The following CEP170 variants were observed in gnomAD, a reference collection of about 807,000 sequenced individuals.
CEP170 encodes centrosomal protein 170, also known as centrosomal protein of 170 kDa.
Under a neutral mutation model 151.9 loss-of-function variants are expected in CEP170, and 21 were observed. That is an observed-to-expected ratio of 0.14 (90% confidence interval 0.10 to 0.20). CEP170 has a LOEUF of 0.20. Among genes scored for constraint, CEP170 ranks in the 10% least tolerant of loss-of-function variants. The pLI is 1.00. For synonymous variants in CEP170, 356 were observed against 648.8 expected, an observed-to-expected ratio of 0.55 and a Z score of 6.86; for missense variants, 964 against 1,892.9, an observed-to-expected ratio of 0.51 and a Z score of 9.11.
intron 7 of CEP170, among the ~76,000 whole-genome samples, chr1:243,198,588 CTTGAGTCCA>C (rs1336762731): frequency 2.6e-5 from 4 of 152,068 alleles, no homozygotes; most frequent in African/African-American, 9.7e-5. Context: ...GGGAAGATGG[CTTGAGTCCA>C]GGAGTTCAAG....
At chr1:243,226,058 G>GATATAAATATATCTAGAT (rs1558645401) in intron 1 of CEP170, among the ~76,000 whole-genome samples, 69 of 109,890 alleles carry the variant, frequency 6.3e-4, no homozygotes, top group African/African-American at 1.9e-3. Context: ...TATATATCTA[G>GATATAAATATATCTAGAT]ATATATATAT....
In CEP170 at chr1:243,140,102, A is replaced by G. The variant is rs1354329827; in HGVS notation, c.4065T>C (p.Val1355=). 5 of 1,613,802 alleles carry G rather than the reference A, an allele frequency of 3.1e-6. No homozygotes were observed. The Admixed American group carries it at 8.3e-5, about 27-fold the overall frequency. The change falls in exon 16 of 20, where the codon GTT becomes GTC. Residue 1355 remains valine (V), a synonymous_variant. Coordinates refer to ENST00000366542, the MANE Select transcript of CEP170 (RefSeq NM_014812.3). Reference sequence around the variant, plus strand: ...TGAGGCTTTCATCAAAAACACGATCAACCAACTAATGGGACGAAAGCAAAC... The same window carrying G: ...TGAGGCTTTCATCAAAAACACGATCGACCAACTAATGGGACGAAAGCAAAC... The part of the protein sequence containing the change: ...GSAIDTREEL[V]DRVFDESLNF...
At chr1:243,213,664 T>C (rs1295966121) in intron 3 of CEP170, among the ~76,000 whole-genome samples, 2 of 152,094 alleles carry the variant, frequency 1.3e-5, no homozygotes, top group African/African-American at 4.8e-5. Flanking sequence ...AAGAATCACG[T>C]AGTATTTTTC....
chr1:243,234,104 AAAGAT>A (rs1226585808), intron 1 of CEP170, among the ~76,000 whole-genome samples: 1 of 152,168 alleles, frequency 6.6e-6, no homozygotes, highest in Non-Finnish European at 1.5e-5. Context: ...ATGGCTTTAT[AAAGAT>A]TAAACCTCCT....
chr1:243,176,062 C>A (rs2059228874), intron 10 of CEP170, among the ~76,000 whole-genome samples: 1 of 152,192 alleles, frequency 6.6e-6, no homozygotes, highest in Admixed American at 6.5e-5. Context: ...TCCCAAAGTG[C>A]TGGGATTACA....
chr1:243,174,815 T>C (rs2148639627), intron 10 of CEP170, among the ~76,000 whole-genome samples: 1 of 152,324 alleles, frequency 6.6e-6, no homozygotes, highest in Admixed American at 6.5e-5. Context: ...AACCAGAGTA[T>C]AACCTGTGTC....
intron 1 of CEP170, among the ~76,000 whole-genome samples, chr1:243,242,957 G>T (rs1248273123): frequency 2.0e-5 from 3 of 152,188 alleles, no homozygotes; most frequent in African/African-American, 7.2e-5. Context: ...GCCTCGGCCT[G>T]CCAAAGTGCT....
chr1:243,220,355 T>C (rs1396998756), intron 3 of CEP170, among the ~76,000 whole-genome samples: 1 of 151,824 alleles, frequency 6.6e-6, no homozygotes, highest in Non-Finnish European at 1.5e-5. Flanking sequence ...ATGCTAAATG[T>C]GAGAGTTTTC....
intron 4 of CEP170, among the ~76,000 whole-genome samples, chr1:243,207,273 A>G (rs2061486568): frequency 6.6e-6 from 1 of 152,238 alleles, no homozygotes; most frequent in Non-Finnish European, 1.5e-5. Flanking sequence ...ATTTCAGAGC[A>G]AAGAATCTTA....
intron 18 of CEP170, chr1:243,128,543 G>T: frequency 2.3e-6 from 1 of 426,284 alleles, no homozygotes; most frequent in Non-Finnish European, 4.0e-6. Flanking sequence ...CAGATGAAAA[G>T]TTTAACATTT....
chr1:243,176,005 C>T (rs959673058), intron 10 of CEP170, among the ~76,000 whole-genome samples: 3 of 152,154 alleles, frequency 2.0e-5, no homozygotes, highest in African/African-American at 7.2e-5. Flanking sequence ...ACCGTGTTAG[C>T]CAGGATGGTC....
Position 243,150,680 on chromosome 1 carries a change from C to T in CEP170, c.3911+5541G>A, listed in dbSNP as rs894098541. Among the ~76,000 whole-genome samples, 27 of 151,770 alleles carry T rather than the reference C, an allele frequency of 1.8e-4. No homozygotes were observed. The South Asian group carries it at 2.3e-3, about 13-fold the overall frequency. ...ATATCTGGATTCTCATAAATTTAAA[C>T]GTGTGAGATCTACACAAAATTAAAA... On this transcript the variant is annotated intron_variant, in intron 14 of 19. Coordinates refer to ENST00000366542, the MANE Select transcript of CEP170 (RefSeq NM_014812.3).
chr1:243,223,296 G>GA lies in CEP170; in HGVS notation c.106-1484dup, dbSNP rs544509709. Reference sequence around the variant, plus strand: ...TTTGGACAATGGACTGAAATTCAAAGAAAAAAATCTAAATTAGAGTTGAGA... The same window carrying GA: ...TTTGGACAATGGACTGAAATTCAAAGAAAAAAAATCTAAATTAGAGTTGAGA... On this transcript the variant is annotated intron_variant, in intron 2 of 19. Transcript: ENST00000366542. 2.9e-3 allele frequency among the ~76,000 whole-genome samples: 448 copies of GA among 152,152 alleles called. 2 individuals carry two copies. The highest frequency in any genetic ancestry group is 0.017 in the Middle Eastern group (5 of 292).
At chr1:243,173,884 T>C (rs1404771645) in intron 10 of CEP170, among the ~76,000 whole-genome samples, 3 of 152,236 alleles carry the variant, frequency 2.0e-5, no homozygotes, top group Admixed American at 2.0e-4. Context: ...TGTGGCTGAT[T>C]TTATCTGTTC....
chr1:243,207,444 T>G (rs1018431153), intron 4 of CEP170, among the ~76,000 whole-genome samples: 1 of 152,188 alleles, frequency 6.6e-6, no homozygotes, highest in South Asian at 2.1e-4. Context: ...AGCCTGAGAT[T>G]TCAATACCCC....
chr1:243,148,230 C>G (rs900634318), intron 14 of CEP170, among the ~76,000 whole-genome samples: 1 of 151,726 alleles, frequency 6.6e-6, no homozygotes, highest in Non-Finnish European at 1.5e-5. Flanking sequence ...GAGACATAGA[C>G]AAATTTGGGA....
chr1:243,200,856 A>C (rs768822139), intron 4 of CEP170, 21 bp from the exon 5 acceptor site: 3 of 1,589,570 alleles, frequency 1.9e-6, no homozygotes, highest in East Asian at 2.2e-5. Context: ...CTAAGGAAGA[A>C]TATAACCTCA....
chr1:243,199,883 G>A (rs547665900), intron 6 of CEP170, among the ~76,000 whole-genome samples: 26 of 151,840 alleles, frequency 1.7e-4, no homozygotes, highest in Non-Finnish European at 3.1e-4. Flanking sequence ...CTTTTAATTC[G>A]TTTTCGTTGT....
rs1032214114 is a variant in CEP170, at chr1:243,197,162, AATC to A, written c.631+1895_631+1897del. Among the ~76,000 whole-genome samples, 58 of 152,274 alleles carry A rather than the reference AATC, an allele frequency of 3.8e-4. No homozygotes were observed. The Middle Eastern group carries it at 0.01, about 27-fold the overall frequency. On this transcript the variant is annotated intron_variant, in intron 7 of 19. Transcript: ENST00000366542. ...AGGGTTGAAACCAGGTTGGTAGCCC[AATC>A]ATGACTCAGGACGGCGGGCAGCGTG...
Sources: allele counts gnomAD v4.1 joint callset (sites outside exome capture counted in the v4.1 genomes callset), GRCh38; gene constraint gnomAD v4.1.1; transcripts MANE v1.5; gene names NCBI Gene and HGNC (gene_info 2026-07-23, HGNC 2026-07-21).